Variants in GPIHBP1 observed in about 807,000 individuals in gnomAD.
GPIHBP1 encodes the protein glycosylphosphatidylinositol anchored high density lipoprotein binding protein 1, also known as glycosylphosphatidylinositol-anchored high density lipoprotein-binding protein 1.
In GPIHBP1, 11 loss-of-function variants were observed where a neutral mutation model predicts 13.0. The observed-to-expected ratio is 0.84, with a 90% confidence interval of 0.53 to 1.40. GPIHBP1 has a LOEUF of 1.40. GPIHBP1 is among the 40% of genes most tolerant of loss of function. GPIHBP1 has a pLI of 0.00. For missense variants in GPIHBP1, 231 were observed against 241.1 expected (o/e 0.96, Z 0.28); for synonymous variants, 106 against 102.2 (o/e 1.04, Z -0.22).
rs11136270 is a variant in GPIHBP1, at chr8:143,216,171, A to G, written c.*653A>G. The G allele has an allele frequency of 0.17, 25,751 of 152,862 alleles. 2,556 individuals carry two copies. The highest frequency in any genetic ancestry group is 0.21 in the Admixed American group (3,177 of 15,364). 9.5% of individuals were successfully genotyped at this position (152,862 alleles called of 1,614,324 possible). ...TGGGGCCAGCGGGGCCTGTCTGGCT[A>G]TGGCGTGAGCACCGCTATGGGAGAC... On this transcript the variant is annotated 3_prime_UTR_variant, in exon 4 of 4. Coordinates refer to ENST00000622500, the MANE Select transcript of GPIHBP1 (RefSeq NM_178172.6).
Position 143,215,436 on chromosome 8 carries a change from G to T in GPIHBP1, c.473G>T (p.Arg158Leu), listed in dbSNP as rs767716301. Residue 158 changes from arginine to leucine, a missense_variant, in exon 4 of 4, where the codon CGG becomes CTG. Transcript: ENST00000622500. Reference protein sequence around the residue: ...DPTGKGAGGPRGSSETVGAAL... With the variant: ...DPTGKGAGGPLGSSETVGAAL... Reference sequence around the variant, plus strand: ...ACAGGCAAGGGGGCAGGCGGCCCCCGGGGCAGCTCCGAAACTGTGGGCGCA... The same window carrying T: ...ACAGGCAAGGGGGCAGGCGGCCCCCTGGGCAGCTCCGAAACTGTGGGCGCA... 6.2e-7 allele frequency: 1 copy of T among 1,612,422 alleles called. No individual in the cohort carries two copies. Among genetic ancestry groups the T allele is most frequent in the African/African-American group, 1.3e-5 (1 of 74,934 alleles).
At chr8:143,215,185 C>G (rs565814494) in intron 3 of GPIHBP1, 59 bp downstream of exon 3, 1 of 1,611,198 alleles carries the variant, frequency 6.2e-7, no homozygotes, top group South Asian at 1.1e-5. Context: ...GCCAGGGGCC[C>G]GGAACAGAGC....
intron 1 of GPIHBP1, 87 bp from the exon 2 acceptor site, chr8:143,213,735 C>T: frequency 6.5e-7 from 1 of 1,549,216 alleles, no homozygotes; most frequent in Non-Finnish European, 8.7e-7. Context: ...TGGGGAGGGC[C>T]AAGGAGTTGG....
At position 143,213,323 on chromosome 8, in the gene GPIHBP1, C is replaced by T. The variant is rs376692113; in HGVS notation, c.52+4C>T. The T allele has an allele frequency of 1.3e-4, 202 of 1,592,798 alleles. No homozygotes were observed. The highest frequency in any genetic ancestry group is 5.0e-4 in the Middle Eastern group (3 of 6,050). On this transcript the variant is annotated splice_donor_region_variant and intron_variant, in intron 1 of 3. Transcript: ENST00000622500. ...CTCTTGCTGTTCGGGCGGCCAGGTG[C>T]GGGGCAAAGGGTAACCCTGCGGTGA...
Position 143,213,243 on chromosome 8 carries a change from C to T in GPIHBP1, c.-25C>T. On this transcript the variant is annotated 5_prime_UTR_variant, in exon 1 of 4. Coordinates refer to ENST00000622500, the MANE Select transcript of GPIHBP1 (RefSeq NM_178172.6). ...AGAGCCCTGCGGGAGGACTCAGAGT[C>T]AGGGACACAGCAGCGTCCGGCGAGA... 1 of 1,584,906 alleles carries T rather than the reference C, an allele frequency of 6.3e-7. No homozygotes were observed. The highest frequency in any genetic ancestry group is 8.6e-7 in the Non-Finnish European group (1 of 1,169,588).
At position 143,214,655 on chromosome 8, in the gene GPIHBP1, T is replaced by C. The variant is rs1816273081; in HGVS notation, c.182-358T>C. Among the ~76,000 whole-genome samples, 1 of 151,622 alleles carries C rather than the reference T, an allele frequency of 6.6e-6. No individual in the cohort carries two copies. Among genetic ancestry groups the C allele is most frequent in the South Asian group, 2.1e-4 (1 of 4,798 alleles). ...CCCTGCCCCACACACCCACGAGGTG[T>C]CCCCTGTGAGGCCCTCCTCTGCCAG... On this transcript the variant is annotated intron_variant, in intron 2 of 3. Transcript: ENST00000622500. This position sits in a 1 kb window ranked among gnomAD's most constrained non-coding sequence, Gnocchi z 4.1.
In GPIHBP1 at chr8:143,216,105, C is replaced by A. The variant is rs867831788; in HGVS notation, c.*587C>A. ...TGAGGCCACATGCGGAGGGGCGGGGCGGGGGGGGGCTGGGGGGACAGGCAC... is the reference window on the plus strand; with the variant it reads ...TGAGGCCACATGCGGAGGGGCGGGGAGGGGGGGGGCTGGGGGGACAGGCAC... On this transcript the variant is annotated 3_prime_UTR_variant, in exon 4 of 4. Transcript: ENST00000622500. 1 of 26,758 alleles carries A rather than the reference C, an allele frequency of 3.7e-5. No homozygotes were observed. The highest frequency in any genetic ancestry group is 6.9e-5 in the Non-Finnish European group (1 of 14,596). 1.7% of individuals were successfully genotyped at this position (26,758 alleles called of 1,614,324 possible). A position where few individuals can be genotyped will look rare whatever the true frequency, so the allele number is the denominator to read the frequency against.
In GPIHBP1 at chr8:143,214,286, A is replaced by G. The variant is rs920159064; in HGVS notation, c.181+336A>G. Among the ~76,000 whole-genome samples the G allele has an allele frequency of 2.6e-5, 4 of 151,984 alleles. No homozygotes were observed. The highest frequency in any genetic ancestry group is 9.7e-5 in the African/African-American group (4 of 41,352). On this transcript the variant is annotated intron_variant, in intron 2 of 3. Transcript: ENST00000622500. This position sits in a 1 kb window ranked among gnomAD's most constrained non-coding sequence, Gnocchi z 4.1. ...GGTAGGGTTCAGTTTTGTGGGGCAG[A>G]GAGAGCAGCAGGGTGGGCCGGTCCT...
rs374130729 is a variant in GPIHBP1, at chr8:143,214,889, C to G, written c.182-124C>G. 334 of 683,138 alleles carry G rather than the reference C, an allele frequency of 4.9e-4. 3 individuals are homozygous for G. Among genetic ancestry groups the G allele is most frequent in the South Asian group, 4.3e-3 (248 of 58,178 alleles). The allele number at this position is 683,138 out of a possible 1,614,324, so 42.3% of individuals were successfully genotyped here. On this transcript the variant is annotated intron_variant, in intron 2 of 3. Transcript: ENST00000622500. The surrounding 1 kb of genome is among the most constrained non-coding windows in gnomAD (Gnocchi z 4.1). The stretch of plus-strand genomic sequence containing the variant: ...GTCAGGGGTCGCCCGCCCATCTGAG[C>G]AGTGGGTGCTGGAGGCTCACCAGGC...
Position 143,214,738 on chromosome 8 carries a change from C to T in GPIHBP1, c.182-275C>T, listed in dbSNP as rs183820663. The stretch of plus-strand genomic sequence containing the variant: ...ACCCACCTCCAGGTTTCTGTGACCA[C>T]GGCAGGAGCCTGGGCAGCATTGTCG... On this transcript the variant is annotated intron_variant, in intron 2 of 3. Transcript: ENST00000622500. The surrounding 1 kb of genome is among the most constrained non-coding windows in gnomAD (Gnocchi z 4.1). Among the ~76,000 whole-genome samples the T allele has an allele frequency of 4.2e-3, 638 of 152,334 alleles. 3 individuals carry two copies. Among genetic ancestry groups the T allele is most frequent in the Non-Finnish European group, 6.1e-3 (413 of 68,026 alleles).
chr8:143,215,182 G>A, intron 3 of GPIHBP1, 56 bp downstream of exon 3: 3 of 1,611,200 alleles, frequency 1.9e-6, no homozygotes, highest in East Asian at 4.5e-5. Context: ...AAAGCCAGGG[G>A]CCCGGAACAG....
chr8:143,213,883 C>G lies in GPIHBP1; in HGVS notation c.114C>G (p.Tyr38Ter), dbSNP rs1256837422. 1 of 1,552,404 alleles carries G rather than the reference C, an allele frequency of 6.4e-7. No individual in the cohort carries two copies. The highest frequency in any genetic ancestry group is 1.7e-4 in the Middle Eastern group (1 of 6,008). The part of the protein sequence containing the change: ...EEDEDHGPDD[Y>*]DEEDEDEVEE... The stretch of plus-strand genomic sequence containing the variant: ...ACGAGGACCACGGGCCAGATGACTA[C>G]GACGAGGAAGATGAGGATGAGGTGG... The change falls in exon 2 of 4, where the codon TAC (tyrosine) becomes TAG (stop). Residue 38 changes from tyrosine to a stop codon, truncating the protein, a stop_gained. Transcript: ENST00000622500. LOFTEE classifies it high-confidence loss of function.
Position 143,215,415 on chromosome 8 carries a change from G to C in GPIHBP1, c.452G>C (p.Gly151Ala). 1.2e-6 allele frequency: 2 copies of C among 1,612,756 alleles called. No homozygotes were observed. The highest frequency in any genetic ancestry group is 1.7e-6 in the Non-Finnish European group (2 of 1,179,970). Reference sequence around the variant, plus strand: ...AGCTCCCGAGTCCAGGACCCAACAGGCAAGGGGGCAGGCGGCCCCCGGGGC... The same window carrying C: ...AGCTCCCGAGTCCAGGACCCAACAGCCAAGGGGGCAGGCGGCCCCCGGGGC... ...WQSSRVQDPT[G>A]KGAGGPRGSS... is the part of the protein sequence containing the mutation. Residue 151 changes from glycine (G) to alanine (A), a missense_variant, in exon 4 of 4, where the codon GGC (glycine) becomes GCC (alanine). Coordinates refer to ENST00000622500, the MANE Select transcript of GPIHBP1 (RefSeq NM_178172.6).
At position 143,213,953 on chromosome 8, in the gene GPIHBP1, A is replaced by G. The variant is rs1586694478; in HGVS notation, c.181+3A>G. 1 of 1,550,026 alleles carries G rather than the reference A, an allele frequency of 6.5e-7. No homozygotes were observed. The highest frequency in any genetic ancestry group is 2.4e-5 in the East Asian group (1 of 40,866). On this transcript the variant is annotated splice_donor_region_variant and intron_variant, in intron 2 of 3. Coordinates refer to ENST00000622500, the MANE Select transcript of GPIHBP1 (RefSeq NM_178172.6). ...GCTCCCTGGTGGCAGGAGCAGAGGT[A>G]TGGCCGCCCCAACCCCAGAGCCCTG... is the stretch of plus-strand genomic sequence containing the variant.
In GPIHBP1 at chr8:143,215,624, G is replaced by C. The variant is rs1816296094; in HGVS notation, c.*106G>C. 3.8e-6 allele frequency: 4 copies of C among 1,041,646 alleles called. No individual in the cohort carries two copies. Among genetic ancestry groups the C allele is most frequent in the Non-Finnish European group, 5.5e-6 (4 of 725,250 alleles). The allele number at this position is 1,041,646 out of a possible 1,614,324, so 64.5% of individuals were successfully genotyped here. ...GCACCAGCTTTGGAGAATGGATTTG[G>C]AGTGTCTTGGGCGATCCAGCCAGCG... On this transcript the variant is annotated 3_prime_UTR_variant, in exon 4 of 4. Transcript: ENST00000622500.
Position 143,215,693 on chromosome 8 carries a change from C to T in GPIHBP1, c.*175C>T. On this transcript the variant is annotated 3_prime_UTR_variant, in exon 4 of 4. Transcript: ENST00000622500. ...TGCTTCCTCAGTTCCCGGCTGTGTC[C>T]TTGGTGTCCTTTCTCCACCACCTGT... 4.9e-6 allele frequency: 3 copies of T among 618,470 alleles called. No individual in the cohort carries two copies. Among genetic ancestry groups the T allele is most frequent in the Non-Finnish European group, 5.7e-6 (2 of 353,800 alleles). The allele number at this position is 618,470 out of a possible 1,614,324, so 38.3% of individuals were successfully genotyped here.
rs187913047 is a variant in GPIHBP1, at chr8:143,214,941, G to T, written c.182-72G>T. On this transcript the variant is annotated intron_variant, in intron 2 of 3. Transcript: ENST00000622500. This position sits in a 1 kb window ranked among gnomAD's most constrained non-coding sequence, Gnocchi z 4.1. ...AGGCTTTGGGAGCACAGCTGAGAACGGGGAGGTGGACAGGGACGTGGGAGG... is the reference window on the plus strand; with the variant it reads ...AGGCTTTGGGAGCACAGCTGAGAACTGGGAGGTGGACAGGGACGTGGGAGG... 6 of 1,033,590 alleles carry T rather than the reference G, an allele frequency of 5.8e-6. No homozygotes were observed. The highest frequency in any genetic ancestry group is 8.8e-6 in the Non-Finnish European group (6 of 682,354). 64.0% of individuals were successfully genotyped at this position (1,033,590 alleles called of 1,614,324 possible).
Position 143,213,262 on chromosome 8 carries a change from G to T in GPIHBP1, c.-6G>T, listed in dbSNP as rs113068416. 3.1e-5 allele frequency: 50 copies of T among 1,593,178 alleles called. No individual in the cohort carries two copies. The African/African-American group carries it at 4.1e-4, about 13-fold the overall frequency. On this transcript the variant is annotated 5_prime_UTR_variant, in exon 1 of 4. Transcript: ENST00000622500. ...CAGAGTCAGGGACACAGCAGCGTCC[G>T]GCGAGATGAAGGCGCTCGGGGCTGT...
Position 143,214,401 on chromosome 8 carries a change from C to G in GPIHBP1, c.181+451C>G, listed in dbSNP as rs544658912. On this transcript the variant is annotated intron_variant, in intron 2 of 3. Transcript: ENST00000622500. This position sits in a 1 kb window ranked among gnomAD's most constrained non-coding sequence, Gnocchi z 4.1. The stretch of plus-strand genomic sequence containing the variant: ...AGAGTAGGGCTAAGAAGAGCCCACC[C>G]TCACTGCCCACCTGACACACCCCTA... Among the ~76,000 whole-genome samples, 1 of 152,010 alleles carries G rather than the reference C, an allele frequency of 6.6e-6. No homozygotes were observed. The highest frequency in any genetic ancestry group is 2.4e-5 in the African/African-American group (1 of 41,356).
Sources: allele counts gnomAD v4.1 joint callset (sites outside exome capture counted in the v4.1 genomes callset), GRCh38; gene constraint gnomAD v4.1.1; non-coding constraint Gnocchi (gnomAD v3.1); transcripts MANE v1.5; gene names NCBI Gene and HGNC (gene_info 2026-07-23, HGNC 2026-07-21).